EIF4G3: variants seen among roughly 807,000 people sequenced by gnomAD.
EIF4G3 encodes the protein eukaryotic translation initiation factor 4 gamma 3, also known as eIF-4-gamma 3.
Under a neutral mutation model 186.4 loss-of-function variants are expected in EIF4G3, and 34 were observed. The ratio of observed to expected loss-of-function variants is 0.18; its 90% CI spans 0.14 to 0.24. The LOEUF (loss-of-function observed/expected upper bound fraction) is 0.24, where lower values mean the gene tolerates loss of function less well. EIF4G3 is among the 10% of genes least tolerant of loss of function. The probability of loss-of-function intolerance (pLI) is 1.00; values close to 1 mark genes in which losing one functional copy is unlikely to be tolerated. For missense variants in EIF4G3, 1,536 were observed against 1,948.5 expected (o/e 0.79, Z 3.99); for synonymous variants, 673 against 679.5 (o/e 0.99, Z 0.15).
intron 14 of EIF4G3, among the ~76,000 whole-genome samples, chr1:20,923,077 T>G (rs1012663298): frequency 2.0e-5 from 3 of 152,110 alleles, no homozygotes; most frequent in African/African-American, 7.2e-5. Context: ...GAAACACAGA[T>G]CTAACTTCAA....
At chr1:21,020,269 C>T (rs2090360706) in intron 4 of EIF4G3, among the ~76,000 whole-genome samples, 1 of 152,134 alleles carries the variant, frequency 6.6e-6, no homozygotes, top group African/African-American at 2.4e-5. Context: ...GAGAAGATTG[C>T]TTGAGCTTAA....
intron 13 of EIF4G3, among the ~76,000 whole-genome samples, chr1:20,942,746 C>A (rs2095771380): frequency 6.6e-6 from 1 of 152,056 alleles, no homozygotes; most frequent in Non-Finnish European, 1.5e-5. Context: ...AGTACAAGGG[C>A]AAACAATTAA....
chr1:21,026,964 C>T (rs2092207538), intron 4 of EIF4G3, among the ~76,000 whole-genome samples: 1 of 148,610 alleles, frequency 6.7e-6, no homozygotes, highest in Admixed American at 6.7e-5. Context: ...AAGTTAATAT[C>T]CTGAATATAT....
At chr1:20,861,783 G>C (rs1019112945) in intron 23 of EIF4G3, among the ~76,000 whole-genome samples, 3 of 152,120 alleles carry the variant, frequency 2.0e-5, no homozygotes, top group Non-Finnish European at 4.4e-5. Flanking sequence ...AGACCAGCCT[G>C]GCCAACAGCG....
At chr1:21,169,588 A>C (rs1304350080) in intron 2 of EIF4G3, 1 of 152,210 alleles carries the variant, frequency 6.6e-6, no homozygotes, top group Non-Finnish European at 1.5e-5. Flanking sequence ...ATAAGTTTTT[A>C]ATAATAATAT....
intron 19 of EIF4G3, 142 bp from the exon 20 acceptor site, chr1:20,879,662 T>TA: frequency 2.1e-6 from 1 of 474,582 alleles, no homozygotes; most frequent in Non-Finnish European, 3.4e-6. Context: ...ACAGAAATAA[T>TA]TAAACTAATC....
chr1:20,920,450 T>C (rs138760585), intron 14 of EIF4G3, among the ~76,000 whole-genome samples: 143 of 152,266 alleles, frequency 9.4e-4, no homozygotes, highest in African/African-American at 3.3e-3. Context: ...TGAAAATTAT[T>C]ATCACATTAT....
rs10916898 is a variant in EIF4G3, at chr1:20,900,569, T to C, written c.1753-626A>G. ...AAAGAGAAATCTGGGTTATGGAGTA[T>C]CACACCTATTTTCAGAAGGCGAAAA... On this transcript the variant is annotated intron_variant, in intron 15 of 36. Transcript: ENST00000602326. 9.0e-3 allele frequency among the ~76,000 whole-genome samples: 1,365 copies of C among 151,194 alleles called. 24 individuals carry two copies. The highest frequency in any genetic ancestry group is 0.032 in the African/African-American group (1,311 of 41,248).
At chr1:20,820,749 A>G (rs982687693) in intron 33 of EIF4G3, among the ~76,000 whole-genome samples, 6 of 152,130 alleles carry the variant, frequency 3.9e-5, no homozygotes, top group Non-Finnish European at 7.4e-5. Flanking sequence ...TAGAGAGACG[A>G]TTGGAGGACC....
intron 30 of EIF4G3, among the ~76,000 whole-genome samples, chr1:20,835,596 G>A (rs2066510346): frequency 6.6e-6 from 1 of 151,958 alleles, no homozygotes; most frequent in African/African-American, 2.4e-5. Flanking sequence ...AACAATAAAT[G>A]GATAATCTAG....
chr1:21,101,368 G>T (rs968060726), intron 2 of EIF4G3, among the ~76,000 whole-genome samples: 1 of 151,872 alleles, frequency 6.6e-6, no homozygotes, highest in African/African-American at 2.4e-5. Flanking sequence ...AGGAGTTCAA[G>T]ACCAGCCTGG....
chr1:21,049,748 G>A (rs980609980), intron 4 of EIF4G3, among the ~76,000 whole-genome samples: 9 of 152,020 alleles, frequency 5.9e-5, no homozygotes, highest in East Asian at 3.9e-4. Context: ...AAAATTAGCC[G>A]GGCATGGTGG....
chr1:21,126,229 A>C (rs1175108995), intron 2 of EIF4G3, among the ~76,000 whole-genome samples: 1 of 150,856 alleles, frequency 6.6e-6, no homozygotes, highest in Non-Finnish European at 1.5e-5. Flanking sequence ...AAAAATTAAA[A>C]TTAAAAAAAA....
At chr1:21,049,180 A>G (rs571977235) in intron 4 of EIF4G3, among the ~76,000 whole-genome samples, 103 of 152,260 alleles carry the variant, frequency 6.8e-4, no homozygotes, top group African/African-American at 2.3e-3. Flanking sequence ...GCTTTCCCCA[A>G]TACTTCATAG....
chr1:21,029,243 C>T (rs2092492603), intron 4 of EIF4G3, among the ~76,000 whole-genome samples: 2 of 152,010 alleles, frequency 1.3e-5, no homozygotes, highest in Non-Finnish European at 2.9e-5. Flanking sequence ...TGGTCTTGAA[C>T]TCCTGGCCTC....
At chr1:20,965,966 T>A (rs192367754) in intron 12 of EIF4G3, among the ~76,000 whole-genome samples, 2 of 152,292 alleles carry the variant, frequency 1.3e-5, no homozygotes, top group East Asian at 3.9e-4. Flanking sequence ...CCCAGTTATG[T>A]CTGATTCCAA....
chr1:21,066,058 TG>T (rs1392750028), intron 3 of EIF4G3, among the ~76,000 whole-genome samples: 1 of 151,984 alleles, frequency 6.6e-6, no homozygotes, highest in Non-Finnish European at 1.5e-5. Flanking sequence ...CTCAAGAGGC[TG>T]AAGTGGGAGA....
intron 3 of EIF4G3, among the ~76,000 whole-genome samples, chr1:21,082,206 G>A (rs1167340220): frequency 6.7e-6 from 1 of 149,688 alleles, no homozygotes; most frequent in Non-Finnish European, 1.5e-5. Context: ...TAATCTTTGT[G>A]TAATTTTGAG....
chr1:20,875,690 T>C lies in EIF4G3; in HGVS notation c.2622+3633A>G, dbSNP rs185252130. On this transcript the variant is annotated intron_variant, in intron 20 of 36. Transcript: ENST00000602326. ...GCACTCTGGGAAGGAGGCAGGAAGA[T>C]TGCTTGAGCCCAGGAGTTTACGACC... is the stretch of plus-strand genomic sequence containing the variant. Among the ~76,000 whole-genome samples the C allele has an allele frequency of 1.6e-3, 248 of 152,270 alleles. 3 individuals are homozygous for C. Among genetic ancestry groups the C allele is most frequent in the African/African-American group, 5.7e-3 (236 of 41,562 alleles).
Sources: allele counts gnomAD v4.1 joint callset (sites outside exome capture counted in the v4.1 genomes callset), GRCh38; gene constraint gnomAD v4.1.1; transcripts MANE v1.5; gene names NCBI Gene and HGNC (gene_info 2026-07-23, HGNC 2026-07-21).